The following ADK variants were observed in gnomAD, a reference collection of about 807,000 sequenced individuals.
ADK encodes adenosine kinase, also known as N6,N6-dimethyladenosine kinase.
In ADK, 24 loss-of-function variants were observed where a neutral mutation model predicts 44.7. The observed-to-expected ratio is 0.54, with a 90% confidence interval of 0.39 to 0.76. The LOEUF is 0.76. Ranked by LOEUF, ADK falls within the 30% of genes least tolerant of loss-of-function variation. The pLI, the probability that ADK is intolerant of heterozygous loss-of-function variation, is 0.00. For missense variants in ADK, 321 were observed against 425.1 expected (o/e 0.76, Z 2.15); for synonymous variants, 128 against 142.6 (o/e 0.90, Z 0.73).
chr10:74,602,328 A>C (rs1852169765), intron 9 of ADK, among the ~76,000 whole-genome samples: 1 of 152,170 alleles, frequency 6.6e-6, no homozygotes, highest in Non-Finnish European at 1.5e-5. Flanking sequence ...CTGTCTTAGC[A>C]GTGGACAGTT....
At chr10:74,401,915 G>T (rs1473367547) in intron 6 of ADK, among the ~76,000 whole-genome samples, 1 of 152,174 alleles carries the variant, frequency 6.6e-6, no homozygotes, top group Non-Finnish European at 1.5e-5. Context: ...TCCTTCAGGA[G>T]CTCTTGTAAG....
chr10:74,265,567 GTGA>G (rs1376257638), intron 3 of ADK, among the ~76,000 whole-genome samples: 4 of 152,122 alleles, frequency 2.6e-5, no homozygotes, highest in South Asian at 2.1e-4. Flanking sequence ...ATTTTTTTCT[GTGA>G]TGATATTTGA....
At chr10:74,458,190 G>T (rs1200935988) in intron 6 of ADK, among the ~76,000 whole-genome samples, 1 of 133,258 alleles carries the variant, frequency 7.5e-6, no homozygotes, top group African/African-American at 2.8e-5. Context: ...GGAGTGCAGC[G>T]GTATGATCAC....
intron 1 of ADK, among the ~76,000 whole-genome samples, chr10:74,153,290 A>G (rs1841663451): frequency 6.6e-6 from 1 of 152,154 alleles, no homozygotes. Flanking sequence ...CTAGAAAGAT[A>G]TTTTTGGTAG....
chr10:74,530,745 G>T (rs1849251943), intron 7 of ADK, among the ~76,000 whole-genome samples: 2 of 152,090 alleles, frequency 1.3e-5, no homozygotes, highest in Admixed American at 1.3e-4. Context: ...GGCCAACATG[G>T]TGAAACCCCC....
intron 6 of ADK, among the ~76,000 whole-genome samples, chr10:74,494,928 A>C (rs902176937): frequency 2.0e-5 from 3 of 152,164 alleles, no homozygotes; most frequent in African/African-American, 7.2e-5. Flanking sequence ...ATCTCTGTTT[A>C]CTCACTCTGG....
At chr10:74,627,845 C>T (rs1853269455) in intron 9 of ADK, among the ~76,000 whole-genome samples, 1 of 152,108 alleles carries the variant, frequency 6.6e-6, no homozygotes, top group Admixed American at 6.5e-5. Context: ...CCGTGTTGGC[C>T]AGGCTGATCC....
intron 4 of ADK, among the ~76,000 whole-genome samples, chr10:74,331,494 TA>T (rs1841216497): frequency 6.6e-6 from 1 of 152,208 alleles, no homozygotes; most frequent in Non-Finnish European, 1.5e-5. Context: ...TTTATTTATT[TA>T]TTTTTTTAGA....
chr10:74,680,110 C>T (rs7909834), intron 10 of ADK, among the ~76,000 whole-genome samples: 142 of 152,098 alleles, frequency 9.3e-4, no homozygotes, highest in African/African-American at 3.0e-3. Context: ...GTCAGGAGAT[C>T]GAGACCATCC....
At chr10:74,429,608 A>G (rs1420923329) in intron 6 of ADK, among the ~76,000 whole-genome samples, 2 of 152,196 alleles carry the variant, frequency 1.3e-5, no homozygotes, top group Non-Finnish European at 2.9e-5. Context: ...ACTTTGAGCT[A>G]AGAAAGTTTT....
chr10:74,334,664 G>A (rs1025842368), intron 4 of ADK, among the ~76,000 whole-genome samples: 10 of 152,092 alleles, frequency 6.6e-5, no homozygotes, highest in Admixed American at 2.0e-4. Context: ...TGCCTTTTCC[G>A]GTGACTTGTA....
intron 6 of ADK, among the ~76,000 whole-genome samples, chr10:74,435,370 G>A (rs1327394689): frequency 1.3e-5 from 2 of 152,052 alleles, no homozygotes; most frequent in African/African-American, 4.8e-5. Context: ...TAATTCATCC[G>A]CCTTTACATT....
chr10:74,332,313 A>AT (rs1272109666), intron 4 of ADK, among the ~76,000 whole-genome samples: 2 of 152,166 alleles, frequency 1.3e-5, no homozygotes, highest in African/African-American at 2.4e-5. Flanking sequence ...AAATGATTGT[A>AT]TTTTTTTATT....
At chr10:74,168,715 C>T (rs545879951) in intron 1 of ADK, among the ~76,000 whole-genome samples, 3 of 151,316 alleles carry the variant, frequency 2.0e-5, no homozygotes, top group East Asian at 2.0e-4. Context: ...CGGGTTCAAG[C>T]GATTCTCCTG....
At chr10:74,544,722 A>C (rs566763554) in intron 7 of ADK, among the ~76,000 whole-genome samples, 45 of 151,988 alleles carry the variant, frequency 3.0e-4, no homozygotes, top group Non-Finnish European at 5.6e-4. Context: ...TAAAAATACA[A>C]ACATTAGCTG....
chr10:74,622,144 C>T (rs1853017121), intron 9 of ADK, among the ~76,000 whole-genome samples: 1 of 152,198 alleles, frequency 6.6e-6, no homozygotes, highest in Non-Finnish European at 1.5e-5. Context: ...CCCTCCTCTT[C>T]AGGATCATGA....
intron 4 of ADK, among the ~76,000 whole-genome samples, chr10:74,375,816 T>A (rs1463717132): frequency 6.6e-6 from 1 of 152,206 alleles, no homozygotes; most frequent in Non-Finnish European, 1.5e-5. Flanking sequence ...TCTTTCTCTG[T>A]CTTGGTTATT....
intron 6 of ADK, among the ~76,000 whole-genome samples, chr10:74,439,621 C>T (rs1212999510): frequency 6.6e-6 from 1 of 152,094 alleles, no homozygotes; most frequent in Non-Finnish European, 1.5e-5. Context: ...GGATTATAAT[C>T]TGTCTTGGCT....
intron 1 of ADK, among the ~76,000 whole-genome samples, chr10:74,185,784 C>G (rs1244746445): frequency 6.8e-6 from 1 of 146,242 alleles, no homozygotes; most frequent in Admixed American, 6.8e-5. Context: ...TGCAAGTGAG[C>G]CGAGATCGTG....
Sources: allele counts gnomAD v4.1 joint callset (sites outside exome capture counted in the v4.1 genomes callset), GRCh38; gene constraint gnomAD v4.1.1; transcripts MANE v1.5; gene names NCBI Gene and HGNC (gene_info 2026-07-23, HGNC 2026-07-21).